Variants in CLCN6 observed in about 807,000 individuals in gnomAD.
CLCN6 encodes Cl-/H+ antiporter 6.
Under a neutral mutation model 109.8 loss-of-function variants are expected in CLCN6, and 70 were observed. The observed-to-expected ratio is 0.64, with a 90% CI of 0.53 to 0.78. The LOEUF is 0.78. Ranked by LOEUF, CLCN6 falls within the 30% of genes least tolerant of loss-of-function variation. The pLI, the probability that CLCN6 is intolerant of heterozygous loss-of-function variation, is 0.00. For synonymous variants in CLCN6, 444 were observed against 447.8 expected (o/e 0.99, Z 0.11); for missense variants, 984 against 1,142.3 (o/e 0.86, Z 2.00).
chr1:11,824,493 C>G lies in CLCN6; in HGVS notation c.588C>G (p.Phe196Leu), dbSNP rs975570351. ...CTTTTTCACCCTGCCCAGGGCTCTT[C>G]GTGGAGAAGGAAGGCCCCATGATCC... ...GVLFSVAGGL[F>L]VEKEGPMIHS... Residue 196 changes from phenylalanine to leucine, a missense_variant, in exon 8 of 23, where the codon TTC (phenylalanine) becomes TTG (leucine). Transcript: ENST00000346436. The G allele has an allele frequency of 6.2e-7, 1 of 1,613,504 alleles. No homozygotes were observed. Among genetic ancestry groups the G allele is most frequent in the South Asian group, 1.1e-5 (1 of 91,006 alleles).
At chr1:11,827,326 A>G (rs1039122772) in intron 10 of CLCN6, 105 bp downstream of exon 10, 7 of 1,137,706 alleles carry the variant, frequency 6.2e-6, no homozygotes, top group African/African-American at 3.3e-5. Context: ...TGGGGGGTCA[A>G]CTGGATCAGA....
In CLCN6 at chr1:11,810,936, G is replaced by A. The variant is rs1644590853; in HGVS notation, c.147+3746G>A. ...TTGTTCAAAATTAGCAGGGGGCCGG[G>A]TGCAGTGGCCCACACCTGTTACCCC... is the stretch of plus-strand genomic sequence containing the variant. On this transcript the variant is annotated intron_variant, in intron 2 of 22. Coordinates refer to ENST00000346436, the MANE Select transcript of CLCN6 (RefSeq NM_001286.5). 2.0e-5 allele frequency among the ~76,000 whole-genome samples: 3 copies of A among 152,162 alleles called. No individual in the cohort carries two copies. In the South Asian group the frequency reaches 6.2e-4, roughly 32 times the overall value.
At chr1:11,815,583 CAG>C (rs944830081) in intron 2 of CLCN6, among the ~76,000 whole-genome samples, 1 of 152,122 alleles carries the variant, frequency 6.6e-6, no homozygotes, top group African/African-American at 2.4e-5. Flanking sequence ...TTAGTAGAGA[CAG>C]GGTTTCACCA....
intron 10 of CLCN6, 56 bp from the exon 11 acceptor site, chr1:11,828,050 A>G: frequency 2.3e-6 from 3 of 1,291,870 alleles, no homozygotes; most frequent in Non-Finnish European, 3.4e-6. Context: ...AAGGGTTGGG[A>G]GAGAGTAGGA....
intron 2 of CLCN6, among the ~76,000 whole-genome samples, chr1:11,814,216 A>G (rs1287293487): frequency 6.8e-6 from 1 of 147,142 alleles, no homozygotes; most frequent in African/African-American, 2.5e-5. Context: ...ATGGCCGACC[A>G]TTATTTTTCT....
In CLCN6 at chr1:11,816,565, T is replaced by G. The variant is rs138500386; in HGVS notation, c.214-50T>G. 938 of 1,549,808 alleles carry G rather than the reference T, an allele frequency of 6.1e-4. 5 individuals are homozygous for G. In the Middle Eastern group the frequency reaches 7.1e-3, roughly 12 times the overall value. ...GTTGGCCAAGATGTATTTCTTCCCC[T>G]CTGCCACCATAACCCTGTAAACTGA... On this transcript the variant is annotated intron_variant, in intron 3 of 22. Coordinates refer to ENST00000346436, the MANE Select transcript of CLCN6 (RefSeq NM_001286.5).
intron 22 of CLCN6, among the ~76,000 whole-genome samples, chr1:11,839,809 G>A (rs1332940364): frequency 6.6e-6 from 1 of 152,172 alleles, no homozygotes; most frequent in Admixed American, 6.5e-5. Context: ...GCATGGCAGG[G>A]GTCATAATCT....
intron 2 of CLCN6, among the ~76,000 whole-genome samples, chr1:11,811,744 A>G (rs1644602421): frequency 6.6e-6 from 1 of 152,184 alleles, no homozygotes; most frequent in African/African-American, 2.4e-5. Context: ...ACTCATTAGC[A>G]GCCACTGCCT....
chr1:11,839,246 A>C (rs1644989667), intron 22 of CLCN6, among the ~76,000 whole-genome samples: 1 of 151,970 alleles, frequency 6.6e-6, no homozygotes, highest in Non-Finnish European at 1.5e-5. Context: ...CCACCCTCTC[A>C]GTCTTTTGTT....
At chr1:11,832,750 T>C (rs1482221019) in intron 13 of CLCN6, among the ~76,000 whole-genome samples, 1 of 152,238 alleles carries the variant, frequency 6.6e-6, no homozygotes, top group African/African-American at 2.4e-5. Flanking sequence ...AGGTGTGAAG[T>C]ACAACCTTGT....
chr1:11,834,587 A>G lies in CLCN6; in HGVS notation c.1790A>G (p.Asp597Gly), dbSNP rs1264750249. ...GAATGGGAGACAGAGGTGGAAATGGACAAGTAAGGCCATGATTTTGCTCAT... is the reference window on the plus strand; with the variant it reads ...GAATGGGAGACAGAGGTGGAAATGGGCAAGTAAGGCCATGATTTTGCTCAT... ...LLEWETEVEM[D>G]KLRASDIMEP... The change falls in exon 17 of 23, where the codon GAC (aspartate) becomes GGC (glycine). Residue 597 changes from aspartate (D) to glycine (G), a missense_variant. Coordinates refer to ENST00000346436, the MANE Select transcript of CLCN6 (RefSeq NM_001286.5). This position sits in a 1 kb window ranked among gnomAD's most constrained non-coding sequence, Gnocchi z 4.5. 1 of 1,613,524 alleles carries G rather than the reference A, an allele frequency of 6.2e-7. No individual in the cohort carries two copies. Among genetic ancestry groups the G allele is most frequent in the Admixed American group, 1.7e-5 (1 of 60,024 alleles).
At chr1:11,820,469 G>A (rs535391047) in intron 5 of CLCN6, 10 of 693,834 alleles carry the variant, frequency 1.4e-5, no homozygotes, top group Admixed American at 8.8e-5. Context: ...CAGACTATAA[G>A]AAAAAACATC....
At chr1:11,838,189 C>A in intron 20 of CLCN6, 146 bp from the exon 21 acceptor site, 1 of 727,706 alleles carries the variant, frequency 1.4e-6, no homozygotes, top group South Asian at 1.6e-5. Flanking sequence ...CTGGAGAGCT[C>A]TCACTCTGGA....
Position 11,838,637 on chromosome 1 carries a change from C to G in CLCN6, c.2506C>G (p.Pro836Ala), listed in dbSNP as rs1421407967. ...LFRTMGLRHL[P>A]VVNAVGEIVG... is the part of the protein sequence containing the mutation. ...CAGAACGATGGGCCTGCGCCACCTG[C>G]CCGTGGTGAACGCTGTGGGAGAGGT... The change falls in exon 22 of 23, where the codon CCC becomes GCC. Residue 836 changes from proline (P) to alanine (A), a missense_variant. Pro to Ala is a conservative substitution (Grantham distance 27). Coordinates refer to ENST00000346436, the MANE Select transcript of CLCN6 (RefSeq NM_001286.5). The G allele has an allele frequency of 6.2e-7, 1 of 1,614,236 alleles. No individual in the cohort carries two copies. The highest frequency in any genetic ancestry group is 1.7e-5 in the Admixed American group (1 of 60,028).
At chr1:11,829,001 C>G (rs1228709924) in intron 12 of CLCN6, among the ~76,000 whole-genome samples, 195 bp from the exon 13 acceptor site, 1 of 152,236 alleles carries the variant, frequency 6.6e-6, no homozygotes, top group African/African-American at 2.4e-5. Context: ...CCCACTTTAA[C>G]TGTCCACTTT....
chr1:11,838,732 G>T (rs2272803), intron 22 of CLCN6, 72 bp downstream of exon 22: 82,602 of 1,608,376 alleles, frequency 0.051, 2,569 homozygotes, highest in East Asian at 0.11. Flanking sequence ...TGTGCACCCA[G>T]GCTTCTCACC....
intron 2 of CLCN6, 79 bp downstream of exon 2, chr1:11,807,269 AC>A: frequency 7.9e-7 from 1 of 1,258,404 alleles, no homozygotes; most frequent in Non-Finnish European, 1.2e-6. Flanking sequence ...TATGATTCCA[AC>A]CAGAGATGCT....
At chr1:11,811,543 C>T (rs1201476034) in intron 2 of CLCN6, among the ~76,000 whole-genome samples, 5 of 152,226 alleles carry the variant, frequency 3.3e-5, no homozygotes, top group South Asian at 4.1e-4. Flanking sequence ...CCACCACACC[C>T]GGCTAATTTT....
At position 11,819,571 on chromosome 1, in the gene CLCN6, T is replaced by C; in HGVS notation, c.346+17T>C. 6.2e-7 allele frequency: 1 copy of C among 1,612,290 alleles called. No homozygotes were observed. The highest frequency in any genetic ancestry group is 8.5e-7 in the Non-Finnish European group (1 of 1,178,370). ...TACAGACATGTATCCTTTTCACGGT[T>C]CCTGGTGTTCGTGGACTTCAGTGGT... is the stretch of plus-strand genomic sequence containing the variant. On this transcript the variant is annotated intron_variant, in intron 5 of 22. Coordinates refer to ENST00000346436, the MANE Select transcript of CLCN6 (RefSeq NM_001286.5).
Sources: gnomAD v4.1 joint callset for allele counts (sites outside exome capture counted in the v4.1 genomes callset) on GRCh38, gnomAD v4.1.1 for gene constraint, Gnocchi (gnomAD v3.1) non-coding constraint, MANE v1.5 for transcripts, NCBI Gene and HGNC (gene_info 2026-07-23, HGNC 2026-07-21) for gene names.